The following MBOAT2 variants were observed in gnomAD, a reference collection of about 807,000 sequenced individuals.
MBOAT2 encodes the protein membrane bound glycerophospholipid O-acyltransferase 2.
Under a neutral mutation model 63.4 loss-of-function variants are expected in MBOAT2, and 28 were observed. That is an observed-to-expected ratio of 0.44 (90% confidence interval 0.33 to 0.61). The LOEUF (loss-of-function observed/expected upper bound fraction) is 0.61, where lower values mean the gene tolerates loss of function less well. MBOAT2 is among the 20% of genes least tolerant of loss of function. The pLI is 0.03. For synonymous variants in MBOAT2, 211 were observed against 215.6 expected (o/e 0.98, Z 0.19); for missense variants, 470 against 605.8 (o/e 0.78, Z 2.35).
chr2:8,994,178 T>C (rs767800929), intron 1 of MBOAT2, among the ~76,000 whole-genome samples: 2 of 151,946 alleles, frequency 1.3e-5, no homozygotes, highest in Admixed American at 1.3e-4. Flanking sequence ...GACACAAAGA[T>C]GAGTAAGTGG....
In MBOAT2 at chr2:9,003,366, G is replaced by A. The variant is rs145088217; in HGVS notation, c.75+174C>T. 4.9e-3 allele frequency among the ~76,000 whole-genome samples: 741 copies of A among 152,012 alleles called. 12 individuals are homozygous for A. The highest frequency in any genetic ancestry group is 0.016 in the African/African-American group (680 of 41,484). ...TGGGGGCGCACCCAGGAGGGAGGGG[G>A]CTCTGGGACAATAACCGGCTTGTTG... On this transcript the variant is annotated intron_variant, in intron 1 of 12. Transcript: ENST00000305997. This position sits in a 1 kb window ranked among gnomAD's most constrained non-coding sequence, Gnocchi z 5.4.
At chr2:8,992,523 G>T (rs1196328665) in intron 1 of MBOAT2, among the ~76,000 whole-genome samples, 1 of 152,166 alleles carries the variant, frequency 6.6e-6, no homozygotes, top group African/African-American at 2.4e-5. Context: ...GTTTCAAAAA[G>T]AAAATTAAAA....
At chr2:8,869,174 G>A (rs1662124101) in intron 8 of MBOAT2, among the ~76,000 whole-genome samples, 1 of 151,456 alleles carries the variant, frequency 6.6e-6, no homozygotes, top group African/African-American at 2.4e-5. Flanking sequence ...AGCCTCCTGA[G>A]TAGCTGGGAC....
chr2:8,885,521 T>A (rs1198252771), intron 5 of MBOAT2, among the ~76,000 whole-genome samples: 6 of 152,154 alleles, frequency 3.9e-5, no homozygotes, highest in African/African-American at 1.4e-4. Context: ...AACATTCTGT[T>A]AGGTTCAAGT....
At chr2:8,955,634 T>G (rs965008125) in intron 2 of MBOAT2, among the ~76,000 whole-genome samples, 14 of 152,196 alleles carry the variant, frequency 9.2e-5, no homozygotes, top group African/African-American at 3.4e-4. Context: ...TAATTTTAAT[T>G]CAGAATTTAG....
At chr2:8,940,387 G>T (rs1356766933) in intron 3 of MBOAT2, among the ~76,000 whole-genome samples, 6 of 152,064 alleles carry the variant, frequency 3.9e-5, no homozygotes, top group Non-Finnish European at 7.4e-5. Flanking sequence ...CGCCTCCCCG[G>T]TTCAAGCAAT....
At chr2:8,870,969 T>C (rs546792638) in intron 8 of MBOAT2, among the ~76,000 whole-genome samples, 6 of 152,216 alleles carry the variant, frequency 3.9e-5, no homozygotes, top group Non-Finnish European at 7.4e-5. Flanking sequence ...ATTGTCATAA[T>C]TGCAAATAAA....
At chr2:8,988,305 C>A (rs1016672038) in intron 1 of MBOAT2, among the ~76,000 whole-genome samples, 3 of 152,132 alleles carry the variant, frequency 2.0e-5, no homozygotes, top group Admixed American at 2.0e-4. Flanking sequence ...AGCAAAGTAA[C>A]ATCAAAAATA....
intron 1 of MBOAT2, among the ~76,000 whole-genome samples, chr2:8,976,194 T>C (rs1189459140): frequency 6.6e-6 from 1 of 152,060 alleles, no homozygotes; most frequent in Non-Finnish European, 1.5e-5. Context: ...TTTTCCCAAA[T>C]GCATGGAAAC....
intron 3 of MBOAT2, among the ~76,000 whole-genome samples, chr2:8,937,034 G>C (rs1667718970): frequency 6.6e-6 from 1 of 152,160 alleles, no homozygotes; most frequent in South Asian, 2.1e-4. Flanking sequence ...CCTAAGTGGA[G>C]AGGCTCCCTA....
chr2:8,868,157 C>T (rs1662036645), intron 9 of MBOAT2, among the ~76,000 whole-genome samples: 1 of 152,180 alleles, frequency 6.6e-6, no homozygotes. Context: ...ATTCCTATTT[C>T]ATGAATACCC....
intron 3 of MBOAT2, among the ~76,000 whole-genome samples, chr2:8,940,951 T>C (rs1264716637): frequency 6.6e-6 from 1 of 152,084 alleles, no homozygotes; most frequent in Non-Finnish European, 1.5e-5. Context: ...AACAAACAGA[T>C]TGTATTCGAC....
At chr2:8,916,984 G>T (rs772523048) in intron 3 of MBOAT2, among the ~76,000 whole-genome samples, 2 of 152,126 alleles carry the variant, frequency 1.3e-5, no homozygotes, top group Non-Finnish European at 2.9e-5. Context: ...AGAATAAAGA[G>T]TACAGAAATA....
intron 4 of MBOAT2, among the ~76,000 whole-genome samples, chr2:8,898,524 T>C (rs1664657749): frequency 1.3e-5 from 2 of 152,376 alleles, no homozygotes; most frequent in South Asian, 4.1e-4. Context: ...CCTAGTACCC[T>C]TGATTAGCTA....
At chr2:8,912,040 T>C (rs1245814954) in intron 3 of MBOAT2, among the ~76,000 whole-genome samples, 2 of 152,042 alleles carry the variant, frequency 1.3e-5, no homozygotes, top group East Asian at 1.9e-4. Flanking sequence ...ATATCCTGCA[T>C]ACCTTTATGA....
At chr2:8,976,021 CA>C (rs1670792640) in intron 1 of MBOAT2, among the ~76,000 whole-genome samples, 1 of 152,138 alleles carries the variant, frequency 6.6e-6, no homozygotes, top group Non-Finnish European at 1.5e-5. Flanking sequence ...ACATCAGACA[CA>C]ACATCCTCTC....
chr2:8,909,471 A>G (rs1246360819), intron 3 of MBOAT2, among the ~76,000 whole-genome samples: 1 of 152,246 alleles, frequency 6.6e-6, no homozygotes, highest in East Asian at 1.9e-4. Context: ...AAAATATACA[A>G]GTACAACAAA....
intron 3 of MBOAT2, among the ~76,000 whole-genome samples, chr2:8,910,624 T>A (rs903913119): frequency 6.6e-6 from 1 of 152,098 alleles, no homozygotes; most frequent in Admixed American, 6.5e-5. Context: ...TTAGACATTC[T>A]CTGATAGATA....
At chr2:8,943,620 C>T (rs778745269) in intron 2 of MBOAT2, among the ~76,000 whole-genome samples, 40 of 152,208 alleles carry the variant, frequency 2.6e-4, no homozygotes, top group Non-Finnish European at 1.2e-4. Context: ...TCAGGATCGT[C>T]CTGACAGAAC....
Sources: gnomAD v4.1 joint callset for allele counts (sites outside exome capture counted in the v4.1 genomes callset) on GRCh38, gnomAD v4.1.1 for gene constraint, Gnocchi (gnomAD v3.1) non-coding constraint, MANE v1.5 for transcripts, NCBI Gene and HGNC (gene_info 2026-07-23, HGNC 2026-07-21) for gene names.